Variants in AGAP1 observed in about 807,000 individuals in gnomAD.
AGAP1 encodes the protein ArfGAP with GTPase domain, ankyrin repeat and PH domain 1.
AGAP1 carries 29 observed loss-of-function variants against 105.3 expected under a neutral mutation model. That is an observed-to-expected ratio of 0.28 (90% CI 0.21 to 0.38). The LOEUF is 0.38. Among genes scored for constraint, AGAP1 ranks in the 10% least tolerant of loss-of-function variants. The pLI, the probability that AGAP1 is intolerant of heterozygous loss-of-function variation, is 1.00. For synonymous variants in AGAP1, 509 were observed against 485.9 expected (o/e 1.05, Z -0.63); for missense variants, 998 against 1,165.1 (o/e 0.86, Z 2.09).
In AGAP1 at chr2:236,078,176, A is replaced by G. The variant is rs576162160; in HGVS notation, c.2114+28895A>G. On this transcript the variant is annotated intron_variant, in intron 16 of 17. Coordinates refer to ENST00000304032, the MANE Select transcript of AGAP1 (RefSeq NM_001037131.3). This position sits in a 1 kb window ranked among gnomAD's most constrained non-coding sequence, Gnocchi z 5.3. ...CGGGGGTGTGTGTGTGTGTGTGTGT[A>G]TATGTATGTGTGTGTGTCACATCTG... 3.6e-3 allele frequency among the ~76,000 whole-genome samples: 537 copies of G among 148,118 alleles called. 5 individuals carry two copies. Among genetic ancestry groups the G allele is most frequent in the African/African-American group, 0.013 (493 of 39,238 alleles).
In AGAP1 at chr2:235,538,763, G is replaced by A. The variant is rs146621375; in HGVS notation, c.163+43914G>A. On this transcript the variant is annotated intron_variant, in intron 1 of 17. Transcript: ENST00000304032. Reference sequence around the variant, plus strand: ...TTTCCTTTTTGAGGAGATTTGAGAAGTGTGTTGTCCAAGATAGGATTTAGT... The same window carrying A: ...TTTCCTTTTTGAGGAGATTTGAGAAATGTGTTGTCCAAGATAGGATTTAGT... Among the ~76,000 whole-genome samples the A allele has an allele frequency of 1.4e-3, 218 of 152,276 alleles. 1 individual carries two copies. Among genetic ancestry groups the A allele is most frequent in the African/African-American group, 4.9e-3 (203 of 41,554 alleles).
intron 1 of AGAP1, among the ~76,000 whole-genome samples, chr2:235,708,691 CA>C (rs1256040877): frequency 2.6e-5 from 4 of 152,236 alleles, no homozygotes; most frequent in African/African-American, 9.6e-5. Flanking sequence ...TTCAAATCTT[CA>C]AATTCAATCA....
chr2:235,675,258 C>G (rs559473799), intron 1 of AGAP1, among the ~76,000 whole-genome samples: 11 of 149,102 alleles, frequency 7.4e-5, no homozygotes, highest in African/African-American at 2.7e-4. Flanking sequence ...GGCGCGATCT[C>G]AGCTCACTGC....
rs1403878847 is a variant in AGAP1, at chr2:236,049,152, G to A, written c.1985G>A (p.Arg662Gln). The change falls in exon 16 of 18, where the codon CGA (arginine) becomes CAA (glutamine). Residue 662 changes from arginine to glutamine, a missense_variant. Transcript: ENST00000304032. ...CTTGGCACCCACCTTTCCCGAGTCC[G>A]ATCTCTGGACCTGGATGACTGGCCA... The part of the protein sequence containing the change: ...RNLGTHLSRV[R>Q]SLDLDDWPVE... 4.3e-6 allele frequency: 7 copies of A among 1,614,048 alleles called. No individual in the cohort carries two copies. Among genetic ancestry groups the A allele is most frequent in the Admixed American group, 3.3e-5 (2 of 60,006 alleles).
intron 1 of AGAP1, among the ~76,000 whole-genome samples, chr2:235,499,990 T>C (rs2148998975): frequency 6.6e-6 from 1 of 152,256 alleles, no homozygotes; most frequent in African/African-American, 2.4e-5. Context: ...ATTTGAAACG[T>C]CCCCAGAGCA....
intron 12 of AGAP1, among the ~76,000 whole-genome samples, chr2:235,949,566 G>T (rs548512257): frequency 7.2e-5 from 11 of 152,106 alleles, no homozygotes; most frequent in Admixed American, 2.6e-4. Context: ...AACACCCAAG[G>T]CTGTGTAGAT....
At chr2:235,579,055 G>A (rs1414515363) in intron 1 of AGAP1, among the ~76,000 whole-genome samples, 1 of 152,194 alleles carries the variant, frequency 6.6e-6, no homozygotes, top group Non-Finnish European at 1.5e-5. Flanking sequence ...ATCTTGGAAA[G>A]AAAACCAGGA....
intron 13 of AGAP1, among the ~76,000 whole-genome samples, chr2:236,017,225 G>A (rs867310487): frequency 2.0e-5 from 3 of 151,240 alleles, no homozygotes; most frequent in Admixed American, 1.3e-4. Context: ...CCCAGGAGGC[G>A]GAGGTTGCAG....
chr2:236,104,431 A>G lies in AGAP1; in HGVS notation c.2115-15761A>G, dbSNP rs1287727189. 6.6e-6 allele frequency among the ~76,000 whole-genome samples: 1 copy of G among 152,230 alleles called. No homozygotes were observed. The highest frequency in any genetic ancestry group is 1.5e-5 in the Non-Finnish European group (1 of 68,034). On this transcript the variant is annotated intron_variant, in intron 16 of 17. Transcript: ENST00000304032. The surrounding 1 kb of genome is among the most constrained non-coding windows in gnomAD (Gnocchi z 4.7). The stretch of plus-strand genomic sequence containing the variant: ...TCAAATGACTCCCCAACAGGGGTGG[A>G]TCCTGCCCCTCGACCAGCACCTGTG...
chr2:235,840,038 G>A (rs1439239840), intron 9 of AGAP1, among the ~76,000 whole-genome samples: 2 of 152,222 alleles, frequency 1.3e-5, no homozygotes, highest in Non-Finnish European at 2.9e-5. Flanking sequence ...TGTATTAGCT[G>A]TTTATTCAAA....
chr2:236,115,502 G>A (rs1251582019), intron 16 of AGAP1, among the ~76,000 whole-genome samples: 1 of 152,234 alleles, frequency 6.6e-6, no homozygotes, highest in Non-Finnish European at 1.5e-5. Flanking sequence ...GGGCATTGCA[G>A]AAAGTACAGG....
intron 12 of AGAP1, among the ~76,000 whole-genome samples, chr2:235,940,548 C>T (rs1407967709): frequency 1.3e-5 from 2 of 152,212 alleles, no homozygotes; most frequent in East Asian, 1.9e-4. Flanking sequence ...TCCGCCCAGA[C>T]GTCAGCTCCA....
intron 13 of AGAP1, among the ~76,000 whole-genome samples, chr2:235,991,781 C>G (rs2055573809): frequency 6.6e-6 from 1 of 152,164 alleles, no homozygotes; most frequent in Non-Finnish European, 1.5e-5. Context: ...GAAGGAATTT[C>G]TCTTTTGCTG....
intron 16 of AGAP1, among the ~76,000 whole-genome samples, chr2:236,115,727 G>C (rs1184138023): frequency 6.6e-6 from 1 of 152,194 alleles, no homozygotes; most frequent in Non-Finnish European, 1.5e-5. Context: ...CCAACTCCCT[G>C]GCCACCTCCT....
Position 235,718,132 on chromosome 2 carries a change from T to TA in AGAP1, c.310+490dup, listed in dbSNP as rs1951211202. Among the ~76,000 whole-genome samples, 6 of 152,094 alleles carry TA rather than the reference T, an allele frequency of 3.9e-5. No homozygotes were observed. The South Asian group carries it at 1.2e-3, about 32-fold the overall frequency. ...ATTTAATAATCATTTTGCATGAGAG[T>TA]AAGATTTTTTTTTTTGCCATTAGGC... On this transcript the variant is annotated intron_variant, in intron 3 of 17. Transcript: ENST00000304032.
rs2054845473 is a variant in AGAP1, at chr2:235,976,041, C to T, written c.1645+7418C>T. ...GGGAGATACACTGGAAATGCAGTAG[C>T]GAATGTGGAAAACCAAGAATCAGAA... On this transcript the variant is annotated intron_variant, in intron 13 of 17. Coordinates refer to ENST00000304032, the MANE Select transcript of AGAP1 (RefSeq NM_001037131.3). The surrounding 1 kb of genome is among the most constrained non-coding windows in gnomAD (Gnocchi z 4.5). Among the ~76,000 whole-genome samples, 2 of 152,230 alleles carry T rather than the reference C, an allele frequency of 1.3e-5. No individual in the cohort carries two copies. Among genetic ancestry groups the T allele is most frequent in the South Asian group, 4.1e-4 (2 of 4,820 alleles).
At chr2:235,861,912 G>A (rs560522310) in intron 9 of AGAP1, among the ~76,000 whole-genome samples, 1 of 152,330 alleles carries the variant, frequency 6.6e-6, no homozygotes, top group South Asian at 2.1e-4. Flanking sequence ...TGTAACATGA[G>A]TTAAAAAGTC....
intron 1 of AGAP1, among the ~76,000 whole-genome samples, chr2:235,641,542 T>C (rs1947197204): frequency 6.6e-6 from 1 of 152,194 alleles, no homozygotes; most frequent in Admixed American, 6.5e-5. Flanking sequence ...GTGGGTTGCG[T>C]GGCCCGTCTG....
chr2:235,986,880 T>G (rs922757714), intron 13 of AGAP1, among the ~76,000 whole-genome samples: 2 of 152,170 alleles, frequency 1.3e-5, no homozygotes, highest in Non-Finnish European at 2.9e-5. Flanking sequence ...TTGCCAGTAT[T>G]TTGTTGAGGA....
Sources: allele counts gnomAD v4.1 joint callset (sites outside exome capture counted in the v4.1 genomes callset), GRCh38; gene constraint gnomAD v4.1.1; non-coding constraint Gnocchi (gnomAD v3.1); transcripts MANE v1.5; gene names NCBI Gene and HGNC (gene_info 2026-07-23, HGNC 2026-07-21).